Variants in PTDSS1 observed in about 807,000 individuals in gnomAD.
PTDSS1 encodes PSS-1.
In PTDSS1, 45 loss-of-function variants were observed where a neutral mutation model predicts 70.5. That is an observed-to-expected ratio of 0.64 (90% confidence interval 0.50 to 0.82). PTDSS1 has a LOEUF of 0.82. PTDSS1 is among the 40% of genes least tolerant of loss of function. The probability of loss-of-function intolerance (pLI) is 0.00; values close to 1 mark genes in which losing one functional copy is unlikely to be tolerated. For synonymous variants in PTDSS1, 188 were observed against 203.8 expected (o/e 0.92, Z 0.66); for missense variants, 417 against 586.1 (o/e 0.71, Z 2.98).
chr8:96,323,497 A>G (rs1406504199), intron 10 of PTDSS1, among the ~76,000 whole-genome samples: 3 of 152,164 alleles, frequency 2.0e-5, no homozygotes, highest in African/African-American at 4.8e-5. Flanking sequence ...GTTATAGCTT[A>G]TCCCTCCCAG....
intron 10 of PTDSS1, among the ~76,000 whole-genome samples, chr8:96,323,471 A>G (rs1307720750): frequency 6.6e-6 from 1 of 152,102 alleles, no homozygotes; most frequent in Non-Finnish European, 1.5e-5. Flanking sequence ...TTAACACCAC[A>G]TGGACACCAC....
chr8:96,301,271 T>C (rs925899940), intron 6 of PTDSS1, among the ~76,000 whole-genome samples: 2 of 151,748 alleles, frequency 1.3e-5, no homozygotes, highest in Non-Finnish European at 2.9e-5. Context: ...CTAGTTTTTG[T>C]TTTTAGTAGA....
chr8:96,323,388 C>T (rs932956693), intron 10 of PTDSS1, among the ~76,000 whole-genome samples: 13 of 152,228 alleles, frequency 8.5e-5, no homozygotes, highest in African/African-American at 1.7e-4. Context: ...CTAGGCAGTT[C>T]GCCGCATCCT....
At chr8:96,291,169 G>A (rs538726641) in intron 4 of PTDSS1, among the ~76,000 whole-genome samples, 14 of 152,078 alleles carry the variant, frequency 9.2e-5, no homozygotes, top group African/African-American at 2.9e-4. Flanking sequence ...GGGAGAGGGT[G>A]GGCATGTTCC....
chr8:96,283,598 GTC>G (rs72003115), intron 2 of PTDSS1: 7,060 of 145,114 alleles, frequency 0.049, 512 homozygotes, highest in African/African-American at 0.16. Flanking sequence ...TTATTTTTCA[GTC>G]TCTCTCTCTC....
chr8:96,285,249 A>C (rs1057226498), intron 3 of PTDSS1, among the ~76,000 whole-genome samples: 1 of 152,166 alleles, frequency 6.6e-6, no homozygotes, highest in Non-Finnish European at 1.5e-5. Flanking sequence ...GGGGGAGGGG[A>C]GCATCCCAGG....
intron 4 of PTDSS1, among the ~76,000 whole-genome samples, chr8:96,288,589 G>T: frequency 6.8e-6 from 1 of 146,908 alleles, no homozygotes; most frequent in South Asian, 2.2e-4. Context: ...GCCTCCTAGA[G>T]TGCTGGGATT....
rs192570768 is a variant in PTDSS1, at chr8:96,299,136, T to G, written c.601-558T>G. 1.6e-3 allele frequency among the ~76,000 whole-genome samples: 246 copies of G among 152,286 alleles called. 1 individual carries two copies. Among genetic ancestry groups the G allele is most frequent in the African/African-American group, 5.8e-3 (241 of 41,564 alleles). On this transcript the variant is annotated intron_variant, in intron 5 of 12. Coordinates refer to ENST00000517309, the MANE Select transcript of PTDSS1 (RefSeq NM_014754.3). ...CACCACCTTGCACATCATGGGCACTTAATAAAAGATTGTCATTATTGTGAA... is the reference window on the plus strand; with the variant it reads ...CACCACCTTGCACATCATGGGCACTGAATAAAAGATTGTCATTATTGTGAA...
chr8:96,288,337 T>G (rs190943235), intron 4 of PTDSS1, among the ~76,000 whole-genome samples: 227 of 152,234 alleles, frequency 1.5e-3, no homozygotes, highest in Non-Finnish European at 2.5e-3. Context: ...CATGATCTTT[T>G]TTTTTGAGAC....
rs975890172 is a variant in PTDSS1, at chr8:96,309,003, G to T, written c.1008-554G>T. 2.6e-5 allele frequency among the ~76,000 whole-genome samples: 4 copies of T among 151,896 alleles called. No individual in the cohort carries two copies. In the South Asian group the frequency reaches 8.3e-4, roughly 32 times the overall value. On this transcript the variant is annotated intron_variant, in intron 8 of 12. Transcript: ENST00000517309. ...CCAAAAATCTGTATATTTTTTGCCT[G>T]GTTACAATCAGCAACCTTTGTCCTG...
intron 8 of PTDSS1, chr8:96,309,313 C>G (rs1372976736): frequency 3.4e-6 from 1 of 297,378 alleles, no homozygotes; most frequent in African/African-American, 2.2e-5. Context: ...CCCCGGCACT[C>G]AGACCAGACA....
intron 2 of PTDSS1, among the ~76,000 whole-genome samples, chr8:96,277,178 C>T (rs1810660777): frequency 2.0e-5 from 3 of 152,246 alleles, no homozygotes; most frequent in South Asian, 4.1e-4. Context: ...ATATAGCAAA[C>T]ATACTGTGTT....
At chr8:96,313,350 T>C (rs1811239192) in intron 9 of PTDSS1, among the ~76,000 whole-genome samples, 2 of 152,106 alleles carry the variant, frequency 1.3e-5, no homozygotes, top group South Asian at 4.1e-4. Flanking sequence ...TGTGGAAAGG[T>C]CGGCTGTTTC....
intron 4 of PTDSS1, among the ~76,000 whole-genome samples, chr8:96,291,452 CTTT>C (rs200644968): frequency 2.4e-5 from 3 of 123,600 alleles, no homozygotes; most frequent in Non-Finnish European, 1.8e-5. Context: ...ATGGGCTTTT[CTTT>C]TTTTTTTTTT....
intron 4 of PTDSS1, among the ~76,000 whole-genome samples, chr8:96,291,132 G>C (rs1362755554): frequency 6.6e-6 from 1 of 152,018 alleles, no homozygotes; most frequent in Non-Finnish European, 1.5e-5. Flanking sequence ...TTCTGCATAA[G>C]ACACCATCCC....
chr8:96,305,147 T>A (rs1160365374), intron 7 of PTDSS1, among the ~76,000 whole-genome samples: 1 of 152,210 alleles, frequency 6.6e-6, no homozygotes, highest in Non-Finnish European at 1.5e-5. Flanking sequence ...AGAAGCTTTC[T>A]TTTATTACAA....
chr8:96,291,776 C>T (rs189765101), intron 4 of PTDSS1, among the ~76,000 whole-genome samples: 1 of 152,090 alleles, frequency 6.6e-6, no homozygotes. Context: ...TAAAGTAGAA[C>T]TCAGGTGTAG....
chr8:96,303,274 A>G (rs1004693099), intron 6 of PTDSS1, among the ~76,000 whole-genome samples: 1 of 152,198 alleles, frequency 6.6e-6, no homozygotes, highest in East Asian at 1.9e-4. Flanking sequence ...TGTTTTCTCA[A>G]TACGAGTTTG....
At chr8:96,318,902 CTTTTTTT>C (rs71267241) in intron 9 of PTDSS1, among the ~76,000 whole-genome samples, 5 of 46,186 alleles carry the variant, frequency 1.1e-4, no homozygotes, top group African/African-American at 3.1e-4. Context: ...CCCTTCTTGC[CTTTTTTT>C]TTTTTTTTTT....
Sources: allele counts gnomAD v4.1 joint callset (sites outside exome capture counted in the v4.1 genomes callset), GRCh38; gene constraint gnomAD v4.1.1; transcripts MANE v1.5; gene names NCBI Gene and HGNC (gene_info 2026-07-23, HGNC 2026-07-21).